Variants in SLC4A4 observed in about 807,000 individuals in gnomAD.
SLC4A4 encodes the protein electrogenic sodium bicarbonate cotransporter 1.
A neutral mutation model predicts 111.5 loss-of-function variants in SLC4A4; 27 were observed. The ratio of observed to expected loss-of-function variants is 0.24; its 90% CI spans 0.18 to 0.33. The LOEUF (loss-of-function observed/expected upper bound fraction) is 0.33, where lower values mean the gene tolerates loss of function less well. Among genes scored for constraint, SLC4A4 ranks in the 10% least tolerant of loss-of-function variants. The pLI is 1.00. For synonymous variants in SLC4A4, 443 were observed against 463.4 expected, an observed-to-expected ratio of 0.96 and a Z score of 0.57; for missense variants, 909 against 1,315.5, an observed-to-expected ratio of 0.69 and a Z score of 4.78.
chr4:71,175,816 C>T (rs1183757279), intron 2 of SLC4A4, among the ~76,000 whole-genome samples: 1 of 152,194 alleles, frequency 6.6e-6, no homozygotes, highest in African/African-American at 2.4e-5. Context: ...TTTCTGACAG[C>T]TTTGAAGAGA....
At chr4:71,433,916 G>A (rs901138702) in intron 7 of SLC4A4, among the ~76,000 whole-genome samples, 1 of 152,056 alleles carries the variant, frequency 6.6e-6, no homozygotes, top group African/African-American at 2.4e-5. Context: ...AATGAATATA[G>A]TAGAGCTACT....
chr4:71,461,086 G>T (rs1304883847), intron 12 of SLC4A4, among the ~76,000 whole-genome samples: 1 of 151,898 alleles, frequency 6.6e-6, no homozygotes, highest in Non-Finnish European at 1.5e-5. Context: ...AGTTTCAAAG[G>T]CTTATCTAGC....
intron 6 of SLC4A4, among the ~76,000 whole-genome samples, chr4:71,361,701 CCTAATAATTTGGTCTGAGATACTTAG>C (rs1730807540): frequency 6.6e-6 from 1 of 152,022 alleles, no homozygotes; most frequent in South Asian, 2.1e-4. Context: ...TATGATTCTA[CCTAATAATTTGGTCTGAGATACTTAG>C]CTAATAATTC....
At chr4:71,291,797 A>G (rs1303860129) in intron 3 of SLC4A4, among the ~76,000 whole-genome samples, 2 of 152,246 alleles carry the variant, frequency 1.3e-5, no homozygotes, top group Admixed American at 1.3e-4. Flanking sequence ...TTTTTAAAAG[A>G]GTGAAAATGT....
At chr4:71,385,191 A>ATATATATATATATATATTT in intron 6 of SLC4A4, among the ~76,000 whole-genome samples, 2 of 11,894 alleles carry the variant, frequency 1.7e-4, no homozygotes, top group Non-Finnish European at 3.2e-4. Flanking sequence ...ATATATATAT[A>ATATATATATATATATATTT]TTTTTTTTTT....
intron 3 of SLC4A4, among the ~76,000 whole-genome samples, chr4:71,335,746 AC>A (rs1370743943): frequency 6.6e-6 from 1 of 151,706 alleles, no homozygotes; most frequent in East Asian, 1.9e-4. Context: ...AATGGTGTGA[AC>A]CCGGGAGGCG....
At chr4:71,328,807 G>A (rs1179725128) in intron 3 of SLC4A4, among the ~76,000 whole-genome samples, 1 of 152,042 alleles carries the variant, frequency 6.6e-6, no homozygotes, top group Admixed American at 6.6e-5. Context: ...TTGCTGTGCA[G>A]AAGCTTTTTA....
At position 71,515,732 on chromosome 4, in the gene SLC4A4, T is replaced by A. The variant is rs540185591; in HGVS notation, c.2167-16330T>A. On this transcript the variant is annotated intron_variant, in intron 16 of 25. Coordinates refer to ENST00000264485, the MANE Select transcript of SLC4A4 (RefSeq NM_001098484.3). ...TTTATTTCATATAAAATGACTTTTT[T>A]AAAACTGTTCTTGACTCAAAGTCTG... Among the ~76,000 whole-genome samples, 19 of 152,330 alleles carry A rather than the reference T, an allele frequency of 1.2e-4. No individual in the cohort carries two copies. The South Asian group carries it at 3.9e-3, about 32-fold the overall frequency.
intron 2 of SLC4A4, among the ~76,000 whole-genome samples, chr4:71,242,644 C>T (rs955899681): frequency 3.9e-5 from 6 of 151,950 alleles, no homozygotes; most frequent in African/African-American, 1.4e-4. Flanking sequence ...CTGATGGATA[C>T]AGCCTCACCA....
At chr4:71,073,551 C>A (rs1013642385) in intron 1 of SLC4A4, among the ~76,000 whole-genome samples, 3 of 152,080 alleles carry the variant, frequency 2.0e-5, no homozygotes, top group African/African-American at 7.2e-5. Flanking sequence ...AAGTGCACAA[C>A]CCCCACCTCT....
intron 1 of SLC4A4, among the ~76,000 whole-genome samples, chr4:71,089,010 G>T (rs544949860): frequency 6.6e-6 from 1 of 152,184 alleles, no homozygotes; most frequent in Non-Finnish European, 1.5e-5. Flanking sequence ...TTTCCAACTT[G>T]GTTCCATTCT....
intron 16 of SLC4A4, among the ~76,000 whole-genome samples, chr4:71,499,948 T>C (rs1730757476): frequency 6.6e-6 from 1 of 152,206 alleles, no homozygotes; most frequent in South Asian, 2.1e-4. Context: ...TACACAGAAG[T>C]AGGGTTGCTG....
In SLC4A4 at chr4:71,555,206, C is replaced by T; in HGVS notation, c.2761C>T (p.Gln921Ter). The change falls in exon 21 of 26, where the codon CAG becomes TAG. Residue 921 changes from glutamine to a stop codon, truncating the protein, a stop_gained and splice_region_variant. Coordinates refer to ENST00000264485, the MANE Select transcript of SLC4A4 (RefSeq NM_001098484.3). LOFTEE classifies it high-confidence loss of function. Reference sequence around the variant, plus strand: ...GGGAGTAGCATCCCTTAATGGTGTGCAGGTAAGTTTTTGAATAGCAATGTA... The same window carrying T: ...GGGAGTAGCATCCCTTAATGGTGTGTAGGTAAGTTTTTGAATAGCAATGTA... The part of the protein sequence containing the change: ...YMGVASLNGV[Q>*]FMDRLKLLLM... 6.2e-7 allele frequency: 1 copy of T among 1,604,086 alleles called. No individual in the cohort carries two copies. The highest frequency in any genetic ancestry group is 8.5e-7 in the Non-Finnish European group (1 of 1,171,612).
At chr4:71,400,869 A>T (rs1381939854) in intron 7 of SLC4A4, among the ~76,000 whole-genome samples, 1 of 152,120 alleles carries the variant, frequency 6.6e-6, no homozygotes, top group Non-Finnish European at 1.5e-5. Flanking sequence ...GGAAAGAAAA[A>T]AAAAGGTTTC....
intron 14 of SLC4A4, among the ~76,000 whole-genome samples, chr4:71,474,766 C>T (rs1728206370): frequency 6.6e-6 from 1 of 151,668 alleles, no homozygotes; most frequent in Non-Finnish European, 1.5e-5. Flanking sequence ...AATAAGAATG[C>T]CATATAGTTA....
At chr4:71,297,904 A>G (rs1260362015) in intron 3 of SLC4A4, among the ~76,000 whole-genome samples, 1 of 152,134 alleles carries the variant, frequency 6.6e-6, no homozygotes, top group East Asian at 1.9e-4. Context: ...GGTAAATCTT[A>G]TGTATAATTT....
intron 6 of SLC4A4, among the ~76,000 whole-genome samples, chr4:71,379,936 C>T (rs1367730027): frequency 2.0e-5 from 3 of 152,026 alleles, no homozygotes; most frequent in Non-Finnish European, 4.4e-5. Flanking sequence ...ATTTGTTCCT[C>T]ATCCAGGGTC....
chr4:71,121,763 A>G (rs1175826226), intron 2 of SLC4A4, among the ~76,000 whole-genome samples: 1 of 152,218 alleles, frequency 6.6e-6, no homozygotes, highest in African/African-American at 2.4e-5. Context: ...CAGCAGCACT[A>G]CTTGGGTCAC....
chr4:71,444,002 G>A (rs2149065025), intron 8 of SLC4A4, among the ~76,000 whole-genome samples: 1 of 152,276 alleles, frequency 6.6e-6, no homozygotes, highest in East Asian at 1.9e-4. Flanking sequence ...GGAAGCCACA[G>A]TTTAGCCACA....
Sources: allele counts gnomAD v4.1 joint callset (sites outside exome capture counted in the v4.1 genomes callset), GRCh38; gene constraint gnomAD v4.1.1; transcripts MANE v1.5; gene names NCBI Gene and HGNC (gene_info 2026-07-23, HGNC 2026-07-21).